Variants in ULK4 observed in about 807,000 individuals in gnomAD.
ULK4 encodes unc-51 like kinase 4.
A neutral mutation model predicts 160.6 loss-of-function variants in ULK4; 133 were observed. The observed-to-expected ratio is 0.83, with a 90% CI of 0.72 to 0.96. The LOEUF (loss-of-function observed/expected upper bound fraction) is 0.96, where lower values mean the gene tolerates loss of function less well. Among genes scored for constraint, ULK4 ranks in the 40% least tolerant of loss-of-function variants. The pLI is 0.00. For missense variants in ULK4, 1,580 were observed against 1,499.5 expected (o/e 1.05, Z -0.89); for synonymous variants, 534 against 539.8 (o/e 0.99, Z 0.15).
chr3:41,536,276 T>A (rs2086496041), intron 32 of ULK4, among the ~76,000 whole-genome samples: 1 of 152,222 alleles, frequency 6.6e-6, no homozygotes, highest in Admixed American at 6.5e-5. Flanking sequence ...CAATGAGATA[T>A]GATGAGTATT....
chr3:41,561,936 C>A (rs949494079), intron 32 of ULK4, among the ~76,000 whole-genome samples: 7 of 152,146 alleles, frequency 4.6e-5, no homozygotes, highest in African/African-American at 7.2e-5. Flanking sequence ...TTCTCTAGTT[C>A]TTTTAATTGT....
chr3:41,801,621 G>A (rs1378307317), intron 19 of ULK4, among the ~76,000 whole-genome samples: 2 of 151,980 alleles, frequency 1.3e-5, no homozygotes, highest in African/African-American at 2.4e-5. Flanking sequence ...AGGCCAAGAT[G>A]GGAGAATCAG....
intron 19 of ULK4, among the ~76,000 whole-genome samples, chr3:41,813,252 CG>C (rs2040868940): frequency 6.6e-6 from 1 of 151,836 alleles, no homozygotes; most frequent in Admixed American, 6.6e-5. Flanking sequence ...CCATGGCACA[CG>C]TTTACCTATG....
At chr3:41,868,277 A>G (rs1174229019) in intron 17 of ULK4, among the ~76,000 whole-genome samples, 1 of 152,168 alleles carries the variant, frequency 6.6e-6, no homozygotes. Context: ...CTCATTTCAC[A>G]CAGACAAATT....
At chr3:41,421,561 A>C (rs1003264777) in intron 34 of ULK4, among the ~76,000 whole-genome samples, 16 of 152,176 alleles carry the variant, frequency 1.1e-4, no homozygotes, top group African/African-American at 3.6e-4. Flanking sequence ...CAATTTCTTA[A>C]AATATTAGAT....
rs543569009 is a variant in ULK4 at position 41,494,982 on chromosome 3, T to A, written c.3227-31729A>T. 3.9e-5 allele frequency among the ~76,000 whole-genome samples: 6 copies of A among 151,998 alleles called. No homozygotes were observed. The East Asian group carries it at 1.2e-3, about 29-fold the overall frequency. On this transcript the variant is annotated intron_variant, in intron 32 of 36. Transcript: ENST00000301831. ...CATGCTCATAGGTAGGAAGAATCAGTATCGTGAAAATGGCCATACTGCCCA... is the reference window on the plus strand; with the variant it reads ...CATGCTCATAGGTAGGAAGAATCAGAATCGTGAAAATGGCCATACTGCCCA...
chr3:41,948,045 C>G (rs1952031260), intron 2 of ULK4, among the ~76,000 whole-genome samples: 1 of 152,162 alleles, frequency 6.6e-6, no homozygotes, highest in Non-Finnish European at 1.5e-5. Flanking sequence ...ACGTGACCGA[C>G]CCCACATCCC....
At chr3:41,810,534 G>A (rs2040790053) in intron 19 of ULK4, among the ~76,000 whole-genome samples, 1 of 152,144 alleles carries the variant, frequency 6.6e-6, no homozygotes, top group Non-Finnish European at 1.5e-5. Flanking sequence ...TGTGGCAATG[G>A]CCAGAAGTGG....
intron 12 of ULK4, among the ~76,000 whole-genome samples, chr3:41,901,631 C>T (rs1698367758): frequency 6.6e-6 from 1 of 151,512 alleles, no homozygotes; most frequent in African/African-American, 2.4e-5. Context: ...TGGTGTATGC[C>T]ACCATGCACT....
At chr3:41,703,754 A>T (rs2036763106) in intron 27 of ULK4, among the ~76,000 whole-genome samples, 1 of 152,098 alleles carries the variant, frequency 6.6e-6, no homozygotes, top group Non-Finnish European at 1.5e-5. Flanking sequence ...CTTAAAAAAA[A>T]ACCCAAAGTA....
chr3:41,398,121 G>C lies in ULK4; in HGVS notation c.3636C>G (p.Asp1212Glu), dbSNP rs1350604062. 1.9e-6 allele frequency: 3 copies of C among 1,613,276 alleles called. No homozygotes were observed. Residue 1212 changes from aspartate (D) to glutamate (E), a missense_variant, in exon 35 of 37, where the codon GAC (aspartate) becomes GAG (glutamate). Transcript: ENST00000301831. ...IFAHLLTSKEDPKEQKLLLRI... is the reference protein window; with the variant it reads ...IFAHLLTSKEEPKEQKLLLRI... Reference sequence around the variant, plus strand: ...TTAACAGAAGCTTCTGCTCCTTTGGGTCCTCCTTGGATGTCAGTAAATGAG... The same window carrying C: ...TTAACAGAAGCTTCTGCTCCTTTGGCTCCTCCTTGGATGTCAGTAAATGAG...
At chr3:41,518,783 G>A (rs2085834433) in intron 32 of ULK4, among the ~76,000 whole-genome samples, 1 of 152,190 alleles carries the variant, frequency 6.6e-6, no homozygotes, top group South Asian at 2.1e-4. Context: ...GGTATGACCT[G>A]CTTGATTCCA....
At chr3:41,273,666 T>G (rs1369346792) in intron 35 of ULK4, among the ~76,000 whole-genome samples, 1 of 152,082 alleles carries the variant, frequency 6.6e-6, no homozygotes, top group Non-Finnish European at 1.5e-5. Flanking sequence ...CATGTTGAAA[T>G]TTGATTGCTA....
intron 34 of ULK4, among the ~76,000 whole-genome samples, chr3:41,451,932 AAAG>A: frequency 6.6e-6 from 1 of 152,298 alleles, no homozygotes; most frequent in East Asian, 1.9e-4. Flanking sequence ...AAAAACAGAA[AAAG>A]AATAGTGAGA....
chr3:41,789,577 A>G, intron 21 of ULK4, 84 bp downstream of exon 21: 1 of 1,328,262 alleles, frequency 7.5e-7, no homozygotes, highest in South Asian at 1.7e-5. Context: ...TGAATTCTAC[A>G]AACATGACAT....
chr3:41,546,343 A>C (rs1191283541), intron 32 of ULK4, among the ~76,000 whole-genome samples: 3 of 152,168 alleles, frequency 2.0e-5, no homozygotes, highest in Non-Finnish European at 2.9e-5. Flanking sequence ...CCAAGGACTT[A>C]GCCCTTACTT....
chr3:41,532,712 A>ACAAC (rs2086363240), intron 32 of ULK4, among the ~76,000 whole-genome samples: 1 of 152,166 alleles, frequency 6.6e-6, no homozygotes, highest in Non-Finnish European at 1.5e-5. Context: ...GAGTGGATTT[A>ACAAC]AATAGTTGTA....
chr3:41,898,446 A>T lies in ULK4; in HGVS notation c.1334T>A (p.Leu445Gln). ...TATGATCCTACCTGAATATGTTGGT[A>T]GATGCAATATTTTTGCATCAAATTT... The part of the protein sequence containing the change: ...PVKFDAKILH[L>Q]PTYSVDKLLF... Residue 445 changes from leucine (L) to glutamine (Q), a missense_variant, in exon 14 of 37, where the codon CTA becomes CAA. Physicochemically the swap from Leu to Gln is moderately radical, Grantham distance 113. Coordinates refer to ENST00000301831, the MANE Select transcript of ULK4 (RefSeq NM_017886.4). The T allele has an allele frequency of 6.3e-7, 1 of 1,596,304 alleles. No individual in the cohort carries two copies. Among genetic ancestry groups the T allele is most frequent in the South Asian group, 1.1e-5 (1 of 87,846 alleles).
chr3:41,650,496 T>C (rs2034696459), intron 30 of ULK4, among the ~76,000 whole-genome samples: 1 of 152,220 alleles, frequency 6.6e-6, no homozygotes, highest in African/African-American at 2.4e-5. Context: ...CTGCTTGTGG[T>C]ATGCCTCATC....
Sources: gnomAD v4.1 joint callset for allele counts (sites outside exome capture counted in the v4.1 genomes callset) on GRCh38, gnomAD v4.1.1 for gene constraint, MANE v1.5 for transcripts, NCBI Gene and HGNC (gene_info 2026-07-23, HGNC 2026-07-21) for gene names.